The following ZFAT variants were observed in gnomAD, a reference collection of about 807,000 sequenced individuals.
ZFAT encodes the protein zinc finger protein ZFAT.
ZFAT carries 64 observed loss-of-function variants against 117.7 expected under a neutral mutation model. The observed-to-expected ratio is 0.54, with a 90% CI of 0.44 to 0.67. ZFAT has a LOEUF of 0.67. Ranked by LOEUF, ZFAT falls within the 30% of genes least tolerant of loss-of-function variation. The pLI is 0.00. For synonymous variants in ZFAT, 679 were observed against 615.0 expected (o/e 1.10, Z -1.54); for missense variants, 1,433 against 1,584.5 (o/e 0.90, Z 1.62).
chr8:134,703,409 C>G (rs1364255556), intron 1 of ZFAT, among the ~76,000 whole-genome samples: 5 of 152,238 alleles, frequency 3.3e-5, no homozygotes, highest in Non-Finnish European at 5.9e-5. Context: ...TGCCTAATTC[C>G]TGGGAGTACC....
chr8:134,569,765 C>G (rs1206881064), intron 10 of ZFAT, among the ~76,000 whole-genome samples: 1 of 152,084 alleles, frequency 6.6e-6, no homozygotes, highest in Middle Eastern at 3.2e-3. Flanking sequence ...GAGTGCAGTG[C>G]CCTCCAGACC....
chr8:134,478,258 G>C lies in ZFAT; in HGVS notation c.*224C>G, dbSNP rs1016550750. 1.7e-6 allele frequency: 1 copy of C among 605,418 alleles called. No individual in the cohort carries two copies. The highest frequency in any genetic ancestry group is 2.9e-6 in the Non-Finnish European group (1 of 345,788). 37.5% of individuals were successfully genotyped at this position (605,418 alleles called of 1,614,324 possible). A position where few individuals can be genotyped will look rare whatever the true frequency, so the allele number is the denominator to read the frequency against. On this transcript the variant is annotated 3_prime_UTR_variant, in exon 16 of 16. Transcript: ENST00000377838. This position sits in a 1 kb window ranked among gnomAD's most constrained non-coding sequence, Gnocchi z 5.2. ...TTCAGGAAGCAGATGGTAAGGGTCA[G>C]GGGGTGTGTGTCTATGCTGGGGTGA...
chr8:134,513,197 CTT>C (rs763874079), intron 13 of ZFAT, among the ~76,000 whole-genome samples: 70 of 132,936 alleles, frequency 5.3e-4, no homozygotes, highest in South Asian at 3.4e-3. Context: ...GCTATTTGTG[CTT>C]TTTTTTTTTT....
chr8:134,742,663 C>G, the ZFAT span, among the ~76,000 whole-genome samples: 1 of 152,220 alleles, frequency 6.6e-6, no homozygotes, highest in South Asian at 2.1e-4. Context: ...CTGAGCTCAT[C>G]GTTCTCGCAC....
the ZFAT span, among the ~76,000 whole-genome samples, chr8:134,758,640 A>G: frequency 6.6e-6 from 1 of 152,258 alleles, no homozygotes; most frequent in Non-Finnish European, 1.5e-5. Flanking sequence ...AAGACATGGA[A>G]TGGAAAAGCT....
At chr8:134,605,476 G>C (rs1827814538) in intron 5 of ZFAT, among the ~76,000 whole-genome samples, 1 of 151,790 alleles carries the variant, frequency 6.6e-6, no homozygotes, top group Non-Finnish European at 1.5e-5. Context: ...AACCCAGGGG[G>C]TGGAGCTTGC....
At chr8:134,510,295 T>A (rs1345740087) in intron 14 of ZFAT, 3 of 392,762 alleles carry the variant, frequency 7.6e-6, no homozygotes, top group African/African-American at 4.1e-5. Flanking sequence ...GGATTCTGCA[T>A]CATCAGGCAG....
At chr8:134,638,545 A>G (rs1830370405) in intron 2 of ZFAT, among the ~76,000 whole-genome samples, 1 of 68,610 alleles carries the variant, frequency 1.5e-5, no homozygotes, top group Non-Finnish European at 2.7e-5. Flanking sequence ...CTCTACTAAA[A>G]ATACAAAAAA....
chr8:134,790,612 G>GT, the ZFAT span, among the ~76,000 whole-genome samples: 1 of 152,060 alleles, frequency 6.6e-6, no homozygotes, highest in Non-Finnish European at 1.5e-5. Context: ...CACACCTTCT[G>GT]TTTTCTCCTT....
At chr8:134,713,062 AG>A, upstream of ZFAT, 2 of 567,752 alleles carry the variant, frequency 3.5e-6, no homozygotes, top group Non-Finnish European at 5.4e-6. Context: ...CACGGGGCGC[AG>A]ACGCCTGCGT....
intron 3 of ZFAT, among the ~76,000 whole-genome samples, chr8:134,619,558 T>C (rs1013933800): frequency 9.8e-5 from 15 of 152,302 alleles, no homozygotes; most frequent in Non-Finnish European, 1.2e-4. Context: ...CTCCCCTAGA[T>C]GGATGTAAGT....
the ZFAT span, among the ~76,000 whole-genome samples, chr8:134,778,929 A>G: frequency 6.6e-6 from 1 of 152,200 alleles, no homozygotes; most frequent in Non-Finnish European, 1.5e-5. Flanking sequence ...GGCTTAACTC[A>G]GTGGTCTTGG....
chr8:134,500,043 G>A (rs989488214), intron 15 of ZFAT, among the ~76,000 whole-genome samples: 3 of 152,224 alleles, frequency 2.0e-5, no homozygotes, highest in Non-Finnish European at 2.9e-5. Context: ...AGTCTACAGA[G>A]GGCCCGCAGC....
At chr8:134,492,147 C>A (rs1464114828) in intron 15 of ZFAT, among the ~76,000 whole-genome samples, 3 of 151,806 alleles carry the variant, frequency 2.0e-5, no homozygotes, top group Non-Finnish European at 4.4e-5. Context: ...CGGGCTGAGA[C>A]TCCACGTGCT....
At chr8:134,552,045 T>C (rs1447803478) in intron 11 of ZFAT, among the ~76,000 whole-genome samples, 2 of 152,134 alleles carry the variant, frequency 1.3e-5, no homozygotes, top group East Asian at 3.8e-4. Flanking sequence ...ACTGATAAAG[T>C]TGGAATAATT....
intron 1 of ZFAT, among the ~76,000 whole-genome samples, chr8:134,691,364 A>C (rs1424746062): frequency 8.6e-6 from 1 of 115,642 alleles, no homozygotes; most frequent in East Asian, 2.3e-4. Flanking sequence ...GGTGGTGGCC[A>C]GGAGGCCAGT....
the ZFAT span, among the ~76,000 whole-genome samples, chr8:134,823,045 C>A: frequency 6.6e-6 from 1 of 152,178 alleles, no homozygotes; most frequent in Non-Finnish European, 1.5e-5. Context: ...TAAGAACTTG[C>A]CACTGGAATT....
rs1362511257 is a variant in ZFAT at position 134,514,701 on chromosome 8, T to C, written c.3235-2100A>G. Among the ~76,000 whole-genome samples, 5 of 152,164 alleles carry C rather than the reference T, an allele frequency of 3.3e-5. No individual in the cohort carries two copies. In the East Asian group the frequency reaches 7.7e-4, roughly 23 times the overall value. The stretch of plus-strand genomic sequence containing the variant: ...GTCAGACTCCAAAACTCTTACTTTT[T>C]AAAAGAATGTTTATAAAAAAATTTT... On this transcript the variant is annotated intron_variant, in intron 13 of 15. Coordinates refer to ENST00000377838, the MANE Select transcript of ZFAT (RefSeq NM_020863.4).
At chr8:134,716,349 T>C (rs1459432773), upstream of ZFAT, among the ~76,000 whole-genome samples, 3 of 152,150 alleles carry the variant, frequency 2.0e-5, no homozygotes, top group Non-Finnish European at 4.4e-5. Flanking sequence ...GTAGTAATGC[T>C]AGAACTATAT....
Sources: allele counts gnomAD v4.1 joint callset (sites outside exome capture counted in the v4.1 genomes callset), GRCh38; gene constraint gnomAD v4.1.1; non-coding constraint Gnocchi (gnomAD v3.1); transcripts MANE v1.5; gene names NCBI Gene and HGNC (gene_info 2026-07-23, HGNC 2026-07-21).